The following INPP4B variants were observed in gnomAD, a reference collection of about 807,000 sequenced individuals.
The protein encoded by INPP4B is inositol polyphosphate-4-phosphatase type II B, also known as inositol polyphosphate 4-phosphatase type II.
A neutral mutation model predicts 122.5 loss-of-function variants in INPP4B; 55 were observed. That is an observed-to-expected ratio of 0.45 (90% CI 0.36 to 0.56). The LOEUF is 0.56. Among genes scored for constraint, INPP4B ranks in the 20% least tolerant of loss-of-function variants. INPP4B has a pLI of 0.00. For missense variants in INPP4B, 1,000 were observed against 1,097.7 expected, an observed-to-expected ratio of 0.91 and a Z score of 1.26; for synonymous variants, 403 against 388.7, an observed-to-expected ratio of 1.04 and a Z score of -0.43.
At chr4:142,648,661 G>A (rs1366073511) in intron 2 of INPP4B, among the ~76,000 whole-genome samples, 1 of 152,214 alleles carries the variant, frequency 6.6e-6, no homozygotes, top group Non-Finnish European at 1.5e-5. Context: ...AAACAAAGTG[G>A]CCAGGAAGCT....
At chr4:142,241,602 T>C (rs186361021) in intron 11 of INPP4B, among the ~76,000 whole-genome samples, 4 of 152,282 alleles carry the variant, frequency 2.6e-5, no homozygotes, top group African/African-American at 9.6e-5. Context: ...AGTTCTAAAT[T>C]ATCCAAAGTA....
intron 7 of INPP4B, among the ~76,000 whole-genome samples, chr4:142,331,601 C>T (rs371772594): frequency 1.3e-5 from 2 of 152,234 alleles, no homozygotes; most frequent in South Asian, 2.1e-4. Context: ...ATAGAATTTA[C>T]GTATTTGTTT....
At position 142,079,642 on chromosome 4, in the gene INPP4B, G is replaced by A. The variant is rs181649367; in HGVS notation, c.2642+2389C>T. On this transcript the variant is annotated intron_variant, in intron 25 of 25. Transcript: ENST00000262992. Reference sequence around the variant, plus strand: ...GTGACTTCTTTATCTTAAATTCTACGATTATTTCTAGATATGCATTAGCAT... The same window carrying A: ...GTGACTTCTTTATCTTAAATTCTACAATTATTTCTAGATATGCATTAGCAT... Among the ~76,000 whole-genome samples the A allele has an allele frequency of 1.9e-4, 29 of 151,986 alleles. No individual in the cohort carries two copies. In the East Asian group the frequency reaches 2.7e-3, roughly 14 times the overall value.
chr4:142,794,835 C>T (rs377108437), intron 1 of INPP4B, among the ~76,000 whole-genome samples: 48 of 151,864 alleles, frequency 3.2e-4, no homozygotes, highest in Admixed American at 1.2e-3. Flanking sequence ...ATTTGGAAAG[C>T]AAATTGGTAT....
chr4:142,725,430 TCTGA>T (rs1327021009), intron 2 of INPP4B, among the ~76,000 whole-genome samples: 3 of 152,128 alleles, frequency 2.0e-5, no homozygotes, highest in Non-Finnish European at 4.4e-5. Context: ...CATAAAGTCA[TCTGA>T]CTAACGCCAA....
At chr4:142,835,865 A>C (rs1782708435) in intron 1 of INPP4B, among the ~76,000 whole-genome samples, 2 of 152,232 alleles carry the variant, frequency 1.3e-5, no homozygotes, top group Non-Finnish European at 2.9e-5. Flanking sequence ...AAACATTTTC[A>C]AGCTTCATGT....
In INPP4B at chr4:142,128,360, CACACACACACACACACACAT is replaced by C. The variant is rs1217321812; in HGVS notation, c.1721-3620_1721-3601del. Reference sequence around the variant, plus strand: ...ACTTTTATACACACACACACACACACACACACACACACACACACATACACACACATACCTTTTTTATAAAC... The same window carrying C: ...ACTTTTATACACACACACACACACACACACACACATACCTTTTTTATAAAC... On this transcript the variant is annotated intron_variant, in intron 18 of 25. Coordinates refer to ENST00000262992, the MANE Select transcript of INPP4B (RefSeq NM_001101669.3). Among the ~76,000 whole-genome samples the C allele has an allele frequency of 6.4e-4, 92 of 144,638 alleles. 1 individual carries two copies. In the East Asian group the frequency reaches 9.5e-3, roughly 15 times the overall value. The allele number at this position is 144,638 out of a possible 152,430, so 94.9% of individuals were successfully genotyped here.
At chr4:142,714,491 C>T (rs1480182838) in intron 2 of INPP4B, among the ~76,000 whole-genome samples, 1 of 152,174 alleles carries the variant, frequency 6.6e-6, no homozygotes, top group African/African-American at 2.4e-5. Context: ...ACTGGGATTG[C>T]AGCTTGTGGT....
At chr4:142,065,403 C>T (rs913622029) in intron 25 of INPP4B, among the ~76,000 whole-genome samples, 2 of 152,074 alleles carry the variant, frequency 1.3e-5, no homozygotes, top group African/African-American at 4.8e-5. Flanking sequence ...AATCACACAT[C>T]GCCCCACCCC....
intron 2 of INPP4B, among the ~76,000 whole-genome samples, chr4:142,625,715 C>G (rs1161440039): frequency 2.0e-5 from 3 of 152,168 alleles, no homozygotes; most frequent in African/African-American, 7.2e-5. Context: ...AGGCATCACA[C>G]TACCTGATTT....
chr4:142,106,680 A>G (rs1411960398), intron 23 of INPP4B, among the ~76,000 whole-genome samples: 1 of 152,150 alleles, frequency 6.6e-6, no homozygotes, highest in Non-Finnish European at 1.5e-5. Context: ...AGGATGGCAT[A>G]TTATTAGTTC....
At chr4:142,577,348 G>C (rs1230388573) in intron 2 of INPP4B, among the ~76,000 whole-genome samples, 1 of 151,960 alleles carries the variant, frequency 6.6e-6, no homozygotes, top group South Asian at 2.1e-4. Flanking sequence ...ATTAGGAAGA[G>C]ATACTCAGTA....
At chr4:142,839,373 A>C (rs1490136794) in intron 1 of INPP4B, among the ~76,000 whole-genome samples, 1 of 152,068 alleles carries the variant, frequency 6.6e-6, no homozygotes, top group Non-Finnish European at 1.5e-5. Context: ...CAGGAGAATC[A>C]CTGGAACCCG....
chr4:142,254,918 G>T (rs566795974), intron 11 of INPP4B, among the ~76,000 whole-genome samples: 7,799 of 150,658 alleles, frequency 0.052, 686 homozygotes, highest in African/African-American at 0.18. Context: ...TCACCAAAGT[G>T]GAAATGAAGG....
intron 7 of INPP4B, among the ~76,000 whole-genome samples, chr4:142,339,506 C>T (rs577873950): frequency 6.6e-6 from 1 of 152,248 alleles, no homozygotes; most frequent in East Asian, 1.9e-4. Context: ...TTATTCTTCC[C>T]TTTAAAAGGA....
At chr4:142,787,204 A>C (rs1393127125) in intron 1 of INPP4B, among the ~76,000 whole-genome samples, 1 of 152,184 alleles carries the variant, frequency 6.6e-6, no homozygotes, top group Non-Finnish European at 1.5e-5. Context: ...TCTAGGGTTT[A>C]AATTTATCCT....
chr4:142,149,759 G>T (rs1812801006), intron 17 of INPP4B, among the ~76,000 whole-genome samples: 1 of 152,174 alleles, frequency 6.6e-6, no homozygotes. Context: ...TGTCTTATAA[G>T]CAGGGATAGA....
chr4:142,522,366 T>C (rs1281911898), intron 2 of INPP4B, among the ~76,000 whole-genome samples: 1 of 123,326 alleles, frequency 8.1e-6, no homozygotes, highest in African/African-American at 3.1e-5. Flanking sequence ...ACATGAGATT[T>C]CCCTATGTTG....
chr4:142,247,922 T>C (rs1157863153), intron 11 of INPP4B, among the ~76,000 whole-genome samples: 1 of 152,154 alleles, frequency 6.6e-6, no homozygotes, highest in Admixed American at 6.5e-5. Flanking sequence ...ATCTGAAGTG[T>C]AAATTCAGAT....
Sources: gnomAD v4.1 joint callset for allele counts (sites outside exome capture counted in the v4.1 genomes callset) on GRCh38, gnomAD v4.1.1 for gene constraint, MANE v1.5 for transcripts, NCBI Gene and HGNC (gene_info 2026-07-23, HGNC 2026-07-21) for gene names.